The following RTN1 variants were observed in gnomAD, a reference collection of about 807,000 sequenced individuals.
RTN1 encodes the protein reticulon-1.
Under a neutral mutation model 65.5 loss-of-function variants are expected in RTN1, and 25 were observed. The observed-to-expected ratio is 0.38, with a 90% CI of 0.28 to 0.53. RTN1 has a LOEUF of 0.53. RTN1 is among the 20% of genes least tolerant of loss of function. The pLI is 0.79. For synonymous variants in RTN1, 471 were observed against 447.6 expected (o/e 1.05, Z -0.66); for missense variants, 983 against 1,025.4 (o/e 0.96, Z 0.57).
At chr14:59,820,681 T>C (rs1886928023) in intron 1 of RTN1, among the ~76,000 whole-genome samples, 1 of 152,204 alleles carries the variant, frequency 6.6e-6, no homozygotes, top group Non-Finnish European at 1.5e-5. Flanking sequence ...TTGCATGTTG[T>C]ATTAGCAATT....
Position 59,854,115 on chromosome 14 carries a change from C to T in RTN1, c.241+16275G>A, listed in dbSNP as rs544360336. Among the ~76,000 whole-genome samples the T allele has an allele frequency of 4.7e-4, 72 of 152,054 alleles. 1 individual carries two copies. In the Middle Eastern group the frequency reaches 0.02, roughly 43 times the overall value. ...CCTCAGGTGATCCGCCCACCTCGGC[C>T]TCCCAAAGTGCAGGATTACAGGCGT... On this transcript the variant is annotated intron_variant, in intron 1 of 8. Transcript: ENST00000267484.
chr14:59,607,605 T>C (rs1207826042), intron 3 of RTN1, 113 bp from the exon 4 acceptor site: 1 of 849,498 alleles, frequency 1.2e-6, no homozygotes, highest in Non-Finnish European at 1.9e-6. Flanking sequence ...GGCATCTGGA[T>C]TCCTAAACAC....
At chr14:59,713,363 C>T (rs1884463970) in intron 3 of RTN1, among the ~76,000 whole-genome samples, 1 of 152,202 alleles carries the variant, frequency 6.6e-6, no homozygotes, top group Non-Finnish European at 1.5e-5. Context: ...AACAGTTTCA[C>T]AGGATGCCAA....
intron 3 of RTN1, among the ~76,000 whole-genome samples, chr14:59,677,914 C>A (rs372622205): frequency 1.3e-5 from 2 of 152,316 alleles, no homozygotes; most frequent in South Asian, 4.1e-4. Context: ...TGGCCCATTT[C>A]TGTCTCTTAA....
chr14:59,745,220 G>A (rs1431581676), intron 2 of RTN1, among the ~76,000 whole-genome samples: 1 of 152,088 alleles, frequency 6.6e-6, no homozygotes, highest in African/African-American at 2.4e-5. Flanking sequence ...TACCAGATGC[G>A]CCCCTTTGAC....
rs148396665 is a variant in RTN1 at position 59,794,263 on chromosome 14, G to A, written c.242-47782C>T. Reference sequence around the variant, plus strand: ...TCTTTAATCACTGGTTGAAGAACAAGAAGTTTTCTGTGCCCTTGAGTGTTA... The same window carrying A: ...TCTTTAATCACTGGTTGAAGAACAAAAAGTTTTCTGTGCCCTTGAGTGTTA... On this transcript the variant is annotated intron_variant, in intron 1 of 8. Coordinates refer to ENST00000267484, the MANE Select transcript of RTN1 (RefSeq NM_021136.3). This position sits in a 1 kb window ranked among gnomAD's most constrained non-coding sequence, Gnocchi z 5.1. Among the ~76,000 whole-genome samples the A allele has an allele frequency of 3.8e-3, 578 of 152,312 alleles. 4 individuals carry two copies. Among genetic ancestry groups the A allele is most frequent in the African/African-American group, 0.013 (560 of 41,576 alleles).
intron 8 of RTN1, among the ~76,000 whole-genome samples, chr14:59,599,702 C>T (rs1052604050): frequency 5.9e-5 from 9 of 152,170 alleles, no homozygotes; most frequent in Non-Finnish European, 1.3e-4. Flanking sequence ...AGTGAAGATA[C>T]ACTGATCTAT....
At chr14:59,731,859 C>A (rs1884904539) in intron 2 of RTN1, among the ~76,000 whole-genome samples, 1 of 152,220 alleles carries the variant, frequency 6.6e-6, no homozygotes, top group African/African-American at 2.4e-5. Flanking sequence ...CTTCCCTAGG[C>A]TCTCTTCTTA....
chr14:59,847,090 C>T (rs2139658721), intron 1 of RTN1, among the ~76,000 whole-genome samples: 1 of 152,342 alleles, frequency 6.6e-6, no homozygotes, highest in East Asian at 1.9e-4. Context: ...TTAAAACTCA[C>T]TTCCAGAACC....
chr14:59,607,652 C>G (rs143630721), intron 3 of RTN1, 160 bp from the exon 4 acceptor site: 6,608 of 638,818 alleles, frequency 0.01, 56 homozygotes, highest in Non-Finnish European at 0.014. Flanking sequence ...AGGGCACTTA[C>G]TGTCATTCCA....
chr14:59,658,740 A>G (rs1883179370), intron 3 of RTN1, among the ~76,000 whole-genome samples: 1 of 152,234 alleles, frequency 6.6e-6, no homozygotes, highest in Non-Finnish European at 1.5e-5. Context: ...CACCAACATC[A>G]AAGACCAAAG....
intron 1 of RTN1, among the ~76,000 whole-genome samples, chr14:59,865,518 A>C (rs143116324): frequency 1.5e-3 from 229 of 152,326 alleles, no homozygotes; most frequent in African/African-American, 5.1e-3. Flanking sequence ...TAGGGAGCTC[A>C]AATAAGAATT....
At position 59,746,421 on chromosome 14, in the gene RTN1, T is replaced by A. The variant is rs145845359; in HGVS notation, c.302A>T (p.Glu101Val). 3 of 1,612,786 alleles carry A rather than the reference T, an allele frequency of 1.9e-6. No individual in the cohort carries two copies. The East Asian group carries it at 6.7e-5, about 36-fold the overall frequency. The stretch of plus-strand genomic sequence containing the variant: ...AATGAGAGATGTGTAACACGATCCT[T>A]CCCCATCTTTTGATGTTGTTGAGAA... ...HTFSTTSKDG[E>V]GSCYTSLISD... The change falls in exon 2 of 9, where the codon GAA becomes GTA. Residue 101 changes from glutamate (E) to valine (V), a missense_variant. Coordinates refer to ENST00000267484, the MANE Select transcript of RTN1 (RefSeq NM_021136.3).
chr14:59,657,408 C>CAACAA lies in RTN1; in HGVS notation c.1766-49921_1766-49917dup, dbSNP rs536719398. On this transcript the variant is annotated intron_variant, in intron 3 of 8. Coordinates refer to ENST00000267484, the MANE Select transcript of RTN1 (RefSeq NM_021136.3). The stretch of plus-strand genomic sequence containing the variant: ...TGGGTGAAAGAGTGAGACTCTGTCT[C>CAACAA]AACAAAACAAAACAAAACAAAACAA... Among the ~76,000 whole-genome samples, 96 of 152,090 alleles carry CAACAA rather than the reference C, an allele frequency of 6.3e-4. No individual in the cohort carries two copies. In the Middle Eastern group the frequency reaches 0.01, roughly 16 times the overall value.
At chr14:59,598,777 T>C (rs185166488) in intron 8 of RTN1, among the ~76,000 whole-genome samples, 2 of 152,366 alleles carry the variant, frequency 1.3e-5, no homozygotes, top group Admixed American at 6.5e-5. Context: ...AGGGAAATCC[T>C]ACTCCTTTAG....
At chr14:59,702,415 T>C (rs1013859777) in intron 3 of RTN1, among the ~76,000 whole-genome samples, 4 of 152,212 alleles carry the variant, frequency 2.6e-5, no homozygotes, top group African/African-American at 7.2e-5. Context: ...TTTAATACAT[T>C]TTGATATATA....
At chr14:59,687,931 C>A (rs200353521) in intron 3 of RTN1, among the ~76,000 whole-genome samples, 1 of 152,244 alleles carries the variant, frequency 6.6e-6, no homozygotes, top group East Asian at 1.9e-4. Context: ...ATACAGAGAG[C>A]CTGTTTGCCT....
intron 2 of RTN1, among the ~76,000 whole-genome samples, chr14:59,743,803 C>T (rs1885161004): frequency 6.6e-6 from 1 of 152,172 alleles, no homozygotes; most frequent in Admixed American, 6.5e-5. Context: ...GGCTCGTCAG[C>T]ACCGTACAAT....
At chr14:59,668,598 C>A (rs1335139973) in intron 3 of RTN1, among the ~76,000 whole-genome samples, 5 of 152,142 alleles carry the variant, frequency 3.3e-5, no homozygotes, top group African/African-American at 1.2e-4. Flanking sequence ...CCAAAATTGA[C>A]AAATGGGATC....
Sources: gnomAD v4.1 joint callset for allele counts (sites outside exome capture counted in the v4.1 genomes callset) on GRCh38, gnomAD v4.1.1 for gene constraint, Gnocchi (gnomAD v3.1) non-coding constraint, MANE v1.5 for transcripts, NCBI Gene and HGNC (gene_info 2026-07-23, HGNC 2026-07-21) for gene names.